The following UBE2QL1 variants were observed in gnomAD, a reference collection of about 807,000 sequenced individuals.
UBE2QL1 encodes ubiquitin conjugating enzyme E2 QL1, also known as ubiquitin-conjugating enzyme E2Q-like protein 1.
UBE2QL1 carries 5 observed loss-of-function variants against 12.6 expected under a neutral mutation model. The ratio of observed to expected loss-of-function variants is 0.40; its 90% confidence interval spans 0.21 to 0.83. The LOEUF (loss-of-function observed/expected upper bound fraction) is 0.83, where lower values mean the gene tolerates loss of function less well. Ranked by LOEUF, UBE2QL1 falls within the 40% of genes least tolerant of loss-of-function variation. The pLI, the probability that UBE2QL1 is intolerant of heterozygous loss-of-function variation, is 0.37. For synonymous variants in UBE2QL1, 96 were observed against 94.5 expected (o/e 1.02, Z -0.10); for missense variants, 99 against 222.6 (o/e 0.44, Z 3.53).
In UBE2QL1 at chr5:6,493,475, T is replaced by C. The variant is rs548020606; in HGVS notation, c.*2126T>C. The stretch of plus-strand genomic sequence containing the variant: ...CAGGTTCACGGTGCTCTCTGAGAAC[T>C]GCACCAAGGGGTGCAGCCAAGAGAC... On this transcript the variant is annotated 3_prime_UTR_variant, in exon 2 of 2. Transcript: ENST00000399816. The C allele has an allele frequency of 1.3e-5, 2 of 152,324 alleles. No individual in the cohort carries two copies. Among genetic ancestry groups the C allele is most frequent in the East Asian group, 3.9e-4 (2 of 5,168 alleles). The allele number at this position is 152,324 out of a possible 1,614,324, so 9.4% of individuals were successfully genotyped here.
intron 1 of UBE2QL1, among the ~76,000 whole-genome samples, chr5:6,474,106 C>T (rs866902326): frequency 5.3e-5 from 8 of 152,148 alleles, no homozygotes; most frequent in Non-Finnish European, 1.5e-5. Context: ...CTAAAAGATA[C>T]TTATTGGGAA....
rs115427498 is a variant in UBE2QL1, at chr5:6,470,961, C to T, written c.355-20257C>T. On this transcript the variant is annotated intron_variant, in intron 1 of 1. Transcript: ENST00000399816. ...GAGGCTGGAAACCTCCCAGGCCTCT[C>T]CAACCCTGATGATTTCACTACTTCC... 9.3e-3 allele frequency among the ~76,000 whole-genome samples: 1,418 copies of T among 152,294 alleles called. 9 individuals are homozygous for T. Among genetic ancestry groups the T allele is most frequent in the Non-Finnish European group, 0.013 (900 of 68,014 alleles).
chr5:6,462,131 C>T (rs57733069), intron 1 of UBE2QL1, among the ~76,000 whole-genome samples: 13,409 of 152,108 alleles, frequency 0.088, 977 homozygotes, highest in East Asian at 0.35. Context: ...GAAGATGCTC[C>T]GAGACTTCAG....
chr5:6,464,012 G>A (rs1482826217), intron 1 of UBE2QL1, among the ~76,000 whole-genome samples: 1 of 151,624 alleles, frequency 6.6e-6, no homozygotes, highest in Admixed American at 6.6e-5. Flanking sequence ...CACTCTTTTT[G>A]CCCAGGCTGG....
intron 1 of UBE2QL1, among the ~76,000 whole-genome samples, chr5:6,464,953 G>C (rs1168220209): frequency 6.6e-6 from 1 of 151,786 alleles, no homozygotes; most frequent in Non-Finnish European, 1.5e-5. Flanking sequence ...CCAGGCTCAG[G>C]CACTTTTTAA....
rs952779780 is a variant in UBE2QL1 at position 6,478,833 on chromosome 5, C to T, written c.355-12385C>T. On this transcript the variant is annotated intron_variant, in intron 1 of 1. Coordinates refer to ENST00000399816, the MANE Select transcript of UBE2QL1 (RefSeq NM_001145161.3). The surrounding 1 kb of genome is among the most constrained non-coding windows in gnomAD (Gnocchi z 4.5). ...CGCACGTGGGAGAGTGATCCTAGGA[C>T]GTGCAGATGCATTCTGTCAGGAAAC... 1.3e-5 allele frequency among the ~76,000 whole-genome samples: 2 copies of T among 152,054 alleles called. No homozygotes were observed. The highest frequency in any genetic ancestry group is 4.8e-5 in the African/African-American group (2 of 41,408).
intron 1 of UBE2QL1, among the ~76,000 whole-genome samples, chr5:6,449,868 A>T (rs1198167642): frequency 8.5e-6 from 1 of 117,124 alleles, no homozygotes; most frequent in Non-Finnish European, 1.8e-5. Context: ...CACCTCCCCA[A>T]CCCCCCCCAC....
chr5:6,471,667 C>T (rs1739915505), intron 1 of UBE2QL1, among the ~76,000 whole-genome samples: 1 of 152,202 alleles, frequency 6.6e-6, no homozygotes, highest in African/African-American at 2.4e-5. Flanking sequence ...GAAGCAAGCT[C>T]AGGTCCCTCG....
intron 1 of UBE2QL1, among the ~76,000 whole-genome samples, chr5:6,484,220 G>A (rs1185774113): frequency 6.6e-6 from 1 of 152,172 alleles, no homozygotes; most frequent in East Asian, 1.9e-4. Context: ...AAGCCTGAGT[G>A]GCCCATGTTG....
chr5:6,460,295 C>T (rs1739625175), intron 1 of UBE2QL1, among the ~76,000 whole-genome samples: 1 of 152,154 alleles, frequency 6.6e-6, no homozygotes, highest in South Asian at 2.1e-4. Flanking sequence ...GTGTTCCTTG[C>T]ATAGGTAAGG....
intron 1 of UBE2QL1, among the ~76,000 whole-genome samples, chr5:6,473,469 G>A (rs1449609829): frequency 2.0e-5 from 3 of 152,196 alleles, no homozygotes; most frequent in East Asian, 1.9e-4. Context: ...GAACACACAC[G>A]CCTCCTTCTG....
rs534556867 is a variant in UBE2QL1 at position 6,495,372 on chromosome 5, T to C, written c.*4023T>C. Among the ~76,000 whole-genome samples, 2 of 152,312 alleles carry C rather than the reference T, an allele frequency of 1.3e-5. No individual in the cohort carries two copies. Among genetic ancestry groups the C allele is most frequent in the South Asian group, 4.1e-4 (2 of 4,820 alleles). On this transcript the variant is annotated 3_prime_UTR_variant, in exon 2 of 2. Transcript: ENST00000399816. The stretch of plus-strand genomic sequence containing the variant: ...AAAGGGGCAGAGCTTACTTCCTGAC[T>C]GTAGTGAGGGTAGAGCCACTGAATC...
At chr5:6,453,220 CAG>C (rs1739444503) in intron 1 of UBE2QL1, among the ~76,000 whole-genome samples, 4 of 151,910 alleles carry the variant, frequency 2.6e-5, no homozygotes, top group East Asian at 1.9e-4. Flanking sequence ...TGTAGTTTCA[CAG>C]AGTCAGGTGG....
chr5:6,473,611 G>C (rs1291473066), intron 1 of UBE2QL1, among the ~76,000 whole-genome samples: 1 of 152,184 alleles, frequency 6.6e-6, no homozygotes, highest in African/African-American at 2.4e-5. Context: ...AAAAATAGCT[G>C]AGCCTTTAGG....
Position 6,481,208 on chromosome 5 carries a change from C to T in UBE2QL1, c.355-10010C>T, listed in dbSNP as rs1734352082. The stretch of plus-strand genomic sequence containing the variant: ...CCCGTTTCTAGATTTCCTGCTTCTC[C>T]TCTTGACTGTCCCCAGCCAAACACA... On this transcript the variant is annotated intron_variant, in intron 1 of 1. Transcript: ENST00000399816. This position sits in a 1 kb window ranked among gnomAD's most constrained non-coding sequence, Gnocchi z 4.5. Among the ~76,000 whole-genome samples the T allele has an allele frequency of 6.6e-6, 1 of 152,190 alleles. No individual in the cohort carries two copies. Among genetic ancestry groups the T allele is most frequent in the Non-Finnish European group, 1.5e-5 (1 of 68,036 alleles).
chr5:6,463,873 C>T (rs779165639), intron 1 of UBE2QL1, among the ~76,000 whole-genome samples: 2 of 152,000 alleles, frequency 1.3e-5, no homozygotes, highest in Non-Finnish European at 2.9e-5. Context: ...ATGATCCACC[C>T]GCCTCGGCCT....
chr5:6,473,290 C>G (rs149736262), intron 1 of UBE2QL1, among the ~76,000 whole-genome samples: 144 of 152,326 alleles, frequency 9.5e-4, no homozygotes, highest in African/African-American at 3.4e-3. Flanking sequence ...AGAGCGTACC[C>G]TGAAATCTCA....
rs146861431 is a variant in UBE2QL1 at position 6,489,133 on chromosome 5, G to A, written c.355-2085G>A. On this transcript the variant is annotated intron_variant, in intron 1 of 1. Transcript: ENST00000399816. ...ACTCTTCCTATGTGAGTTATACAGC[G>A]TTTTCAAAAAGGTGTGCATCGTGGC... Among the ~76,000 whole-genome samples the A allele has an allele frequency of 1.1e-3, 169 of 152,138 alleles. 1 individual carries two copies. Among genetic ancestry groups the A allele is most frequent in the African/African-American group, 3.9e-3 (160 of 41,522 alleles).
At chr5:6,472,922 C>G (rs983926938) in intron 1 of UBE2QL1, among the ~76,000 whole-genome samples, 55 of 152,164 alleles carry the variant, frequency 3.6e-4, no homozygotes, top group Admixed American at 2.9e-3. Context: ...CCATCTTGAG[C>G]CCTTCTCCAT....
Sources: gnomAD v4.1 joint callset for allele counts (sites outside exome capture counted in the v4.1 genomes callset) on GRCh38, gnomAD v4.1.1 for gene constraint, Gnocchi (gnomAD v3.1) non-coding constraint, MANE v1.5 for transcripts, NCBI Gene and HGNC (gene_info 2026-07-23, HGNC 2026-07-21) for gene names.